The following RHOBTB3 variants were observed in gnomAD, a reference collection of about 807,000 sequenced individuals.
RHOBTB3 encodes the protein Rho related BTB domain containing 3, also known as rho-related BTB domain-containing protein 3.
Under a neutral mutation model 67.2 loss-of-function variants are expected in RHOBTB3, and 47 were observed. That is an observed-to-expected ratio of 0.70 (90% CI 0.55 to 0.89). The LOEUF is 0.89. RHOBTB3 is among the 40% of genes least tolerant of loss of function. RHOBTB3 has a pLI of 0.00. For missense variants in RHOBTB3, 631 were observed against 750.0 expected (o/e 0.84, Z 1.85); for synonymous variants, 273 against 274.2 (o/e 1.00, Z 0.04).
upstream of RHOBTB3, chr5:95,731,218 C>A: frequency 1.5e-5 from 15 of 1,002,770 alleles, no homozygotes; most frequent in South Asian, 4.2e-5. Context: ...GCGCGTCCCC[C>A]GCATCCGCCC....
chr5:95,749,446 G>A (rs542339678), intron 4 of RHOBTB3, among the ~76,000 whole-genome samples: 1 of 152,182 alleles, frequency 6.6e-6, no homozygotes, highest in East Asian at 1.9e-4. Context: ...AATATAAATG[G>A]CTTTTATTCA....
chr5:95,767,719 G>A (rs559102691), intron 7 of RHOBTB3: 1 of 654,532 alleles, frequency 1.5e-6, no homozygotes, highest in Admixed American at 2.2e-5. Context: ...GTAGGCATTT[G>A]TATGGAGTTG....
chr5:95,733,382 A>C (rs546587332), intron 2 of RHOBTB3, among the ~76,000 whole-genome samples: 1 of 152,330 alleles, frequency 6.6e-6, no homozygotes, highest in East Asian at 1.9e-4. Context: ...TTCAACATGC[A>C]GTTGAATAAA....
At chr5:95,723,514 C>T (rs1754957956) in intron 1 of RHOBTB3, among the ~76,000 whole-genome samples, 1 of 152,234 alleles carries the variant, frequency 6.6e-6, no homozygotes, top group Non-Finnish European at 1.5e-5. Context: ...TAGTTACTCT[C>T]ATGAAGTACG....
intron 3 of RHOBTB3, among the ~76,000 whole-genome samples, chr5:95,741,620 A>G (rs1198592835): frequency 2.0e-5 from 3 of 148,072 alleles, no homozygotes; most frequent in Non-Finnish European, 4.4e-5. Flanking sequence ...CAGGCTCCCA[A>G]GTAGCTAGGA....
At chr5:95,758,147 T>C (rs146113878) in intron 6 of RHOBTB3, among the ~76,000 whole-genome samples, 1 of 152,270 alleles carries the variant, frequency 6.6e-6, no homozygotes, top group Non-Finnish European at 1.5e-5. Context: ...AGCAGTAAAA[T>C]AGCTAGATGT....
In RHOBTB3 at chr5:95,795,345, C is replaced by G. The variant is rs1037582622; in HGVS notation, c.*2171C>G. 14 of 152,086 alleles carry G rather than the reference C, an allele frequency of 9.2e-5. No individual in the cohort carries two copies. The highest frequency in any genetic ancestry group is 3.4e-4 in the African/African-American group (14 of 41,390). 9.4% of individuals were successfully genotyped at this position (152,086 alleles called of 1,614,324 possible). ...TCTAGAAATTCATTCACATTTAAGA[C>G]TTCTAAAATGGAATAATAGCCTTTT... On this transcript the variant is annotated 3_prime_UTR_variant, in exon 12 of 12. Coordinates refer to ENST00000379982, the MANE Select transcript of RHOBTB3 (RefSeq NM_014899.4).
intron 8 of RHOBTB3, among the ~76,000 whole-genome samples, chr5:95,770,963 T>C (rs777622126): frequency 3.3e-5 from 5 of 152,174 alleles, no homozygotes; most frequent in African/African-American, 4.8e-5. Context: ...ACATTCCTGA[T>C]ACTGGGTGAA....
chr5:95,718,744 A>G (rs1754765662), intron 1 of RHOBTB3, among the ~76,000 whole-genome samples: 1 of 152,234 alleles, frequency 6.6e-6, no homozygotes, highest in Admixed American at 6.5e-5. Context: ...ACTGAAAAGC[A>G]ATAGAATGGG....
At chr5:95,731,332 C>T (rs1755235530), upstream of RHOBTB3, 7 of 1,095,200 alleles carry the variant, frequency 6.4e-6, no homozygotes, top group Non-Finnish European at 7.7e-6. Flanking sequence ...GCAGCGGCAG[C>T]GGCAGCAGGA....
At chr5:95,768,920 G>A (rs908778656) in intron 8 of RHOBTB3, 8 of 167,112 alleles carry the variant, frequency 4.8e-5, no homozygotes, top group South Asian at 1.4e-4. Flanking sequence ...GTGGCTCATC[G>A]CCATGTGCGT....
intron 8 of RHOBTB3, chr5:95,769,146 T>C: frequency 2.7e-6 from 1 of 366,830 alleles, no homozygotes. Flanking sequence ...ATGCCGTAGC[T>C]GCTACAGTGG....
At chr5:95,741,854 T>C (rs1188400275) in intron 3 of RHOBTB3, among the ~76,000 whole-genome samples, 2 of 152,248 alleles carry the variant, frequency 1.3e-5, no homozygotes, top group East Asian at 3.8e-4. Context: ...CTTCTGTAAA[T>C]GGAGCTTTCC....
chr5:95,729,474 AT>A (rs1561435359), upstream of RHOBTB3, among the ~76,000 whole-genome samples: 1 of 152,158 alleles, frequency 6.6e-6, no homozygotes, highest in East Asian at 1.9e-4. Flanking sequence ...ATATTTTTAT[AT>A]TGTCATAAAA....
chr5:95,760,886 G>C (rs1318657705), intron 6 of RHOBTB3, among the ~76,000 whole-genome samples: 1 of 152,186 alleles, frequency 6.6e-6, no homozygotes, highest in Non-Finnish European at 1.5e-5. Flanking sequence ...CCCAGCCTTA[G>C]GATTACTGGT....
At chr5:95,770,741 G>T in intron 8 of RHOBTB3, 1 of 356,226 alleles carries the variant, frequency 2.8e-6, no homozygotes, top group Non-Finnish European at 5.7e-6. Flanking sequence ...TTAATGAACG[G>T]TGATAGGAAG....
chr5:95,765,005 A>G (rs901382380), intron 7 of RHOBTB3, among the ~76,000 whole-genome samples: 9 of 152,158 alleles, frequency 5.9e-5, no homozygotes, highest in African/African-American at 2.2e-4. Flanking sequence ...ATATGCCTAT[A>G]TTCTCGTTTT....
At chr5:95,766,541 C>A (rs1204783006) in intron 7 of RHOBTB3, among the ~76,000 whole-genome samples, 1 of 149,270 alleles carries the variant, frequency 6.7e-6, no homozygotes. Context: ...TTGGGTAACA[C>A]TACCTGAAAA....
chr5:95,752,313 CTT>C lies in RHOBTB3; in HGVS notation c.647_648del (p.Phe216SerfsTer4). 1 of 1,608,160 alleles carries C rather than the reference CTT, an allele frequency of 6.2e-7. No individual in the cohort carries two copies. Among genetic ancestry groups the C allele is most frequent in the Non-Finnish European group, 8.5e-7 (1 of 1,177,792 alleles). Reference protein sequence around the residue: ...KMKKRKMSNSFHGIRPPQLEQ... With the variant: ...KMKKRKMSNSXHGIRPPQLEQ... ...TGAAGAAAAGAAAAATGAGCAACTCCTTTCATGGAATTAGACCACCTCAACTT... is the reference window on the plus strand; with the variant it reads ...TGAAGAAAAGAAAAATGAGCAACTCCTCATGGAATTAGACCACCTCAACTT... On this transcript the variant is annotated frameshift_variant, in exon 5 of 12. Transcript: ENST00000379982. LOFTEE classifies it high-confidence loss of function.
Sources: allele counts gnomAD v4.1 joint callset (sites outside exome capture counted in the v4.1 genomes callset), GRCh38; gene constraint gnomAD v4.1.1; transcripts MANE v1.5; gene names NCBI Gene and HGNC (gene_info 2026-07-23, HGNC 2026-07-21).